RANBP17: variants seen among roughly 807,000 people sequenced by gnomAD.
RANBP17 encodes the protein RAN binding protein 17, also known as ran-binding protein 17.
RANBP17 carries 158 observed loss-of-function variants against 141.2 expected under a neutral mutation model. The observed-to-expected ratio is 1.12, with a 90% CI of 0.98 to 1.28. The LOEUF is 1.28. RANBP17 is among the 50% of genes most tolerant of loss of function. The pLI is 0.00. For missense variants in RANBP17, 1,438 were observed against 1,290.7 expected (o/e 1.11, Z -1.75); for synonymous variants, 430 against 450.0 (o/e 0.96, Z 0.56).
Position 171,062,130 on chromosome 5 carries a change from CT to C in RANBP17, c.1710+93757del, listed in dbSNP as rs1473408956. On this transcript the variant is annotated intron_variant, in intron 14 of 27. Coordinates refer to ENST00000523189, the MANE Select transcript of RANBP17 (RefSeq NM_022897.5). ...CTTTATCCAATTTGCCAGTCTGTGTCTTTTAATTGGAGCATTTAGTCCATTT... is the reference window on the plus strand; with the variant it reads ...CTTTATCCAATTTGCCAGTCTGTGTCTTTAATTGGAGCATTTAGTCCATTT... Among the ~76,000 whole-genome samples, 9 of 151,526 alleles carry C rather than the reference CT, an allele frequency of 5.9e-5. No homozygotes were observed. In the East Asian group the frequency reaches 1.7e-3, roughly 29 times the overall value.
chr5:170,979,524 C>T (rs1777615140), intron 14 of RANBP17, among the ~76,000 whole-genome samples: 1 of 152,074 alleles, frequency 6.6e-6, no homozygotes, highest in African/African-American at 2.4e-5. Context: ...GTGGGAGGGA[C>T]CCAGTGAGAG....
intron 12 of RANBP17, among the ~76,000 whole-genome samples, chr5:170,948,253 G>A (rs950714989): frequency 2.6e-5 from 4 of 152,158 alleles, no homozygotes; most frequent in African/African-American, 9.7e-5. Flanking sequence ...AGGCAGAGAT[G>A]ATAATGATTG....
intron 14 of RANBP17, among the ~76,000 whole-genome samples, chr5:171,148,615 T>TAGAG (rs200432634): frequency 2.2e-4 from 33 of 147,850 alleles, no homozygotes; most frequent in African/African-American, 7.7e-4. Context: ...TATATATATA[T>TAGAG]AGAGAGAGAG....
rs370882495 is a variant in RANBP17, at chr5:171,234,695, G to A, written c.2423-6233G>A. ...ATGTAGTCAAGAGATTTGAGCACAAGCAACTAGAAAGAAGTAGTTGCCATC... is the reference window on the plus strand; with the variant it reads ...ATGTAGTCAAGAGATTTGAGCACAAACAACTAGAAAGAAGTAGTTGCCATC... On this transcript the variant is annotated intron_variant, in intron 22 of 27. Coordinates refer to ENST00000523189, the MANE Select transcript of RANBP17 (RefSeq NM_022897.5). Among the ~76,000 whole-genome samples the A allele has an allele frequency of 1.3e-3, 195 of 152,282 alleles. 9 individuals carry two copies. In the South Asian group the frequency reaches 0.039, roughly 30 times the overall value.
intron 14 of RANBP17, among the ~76,000 whole-genome samples, chr5:171,054,434 TATAGG>T (rs1235068263): frequency 5.3e-5 from 8 of 152,288 alleles, no homozygotes; most frequent in African/African-American, 1.9e-4. Context: ...TTTTAGACCA[TATAGG>T]GTATCTTGCT....
intron 24 of RANBP17, among the ~76,000 whole-genome samples, chr5:171,257,115 A>G (rs575516996): frequency 6.6e-6 from 1 of 152,328 alleles, no homozygotes; most frequent in African/African-American, 2.4e-5. Context: ...ACAAGGACAC[A>G]ACAAAAAAAC....
chr5:171,241,587 G>A (rs146256489), intron 23 of RANBP17, among the ~76,000 whole-genome samples: 1 of 152,210 alleles, frequency 6.6e-6, no homozygotes. Context: ...GGACTTCCTT[G>A]TAGTAGAATG....
chr5:171,298,804 G>A lies in RANBP17; in HGVS notation c.3213G>A (p.Glu1071=). Residue 1071 remains glutamate, a synonymous_variant, in exon 28 of 28, where the codon GAG becomes GAA. Coordinates refer to ENST00000523189, the MANE Select transcript of RANBP17 (RefSeq NM_022897.5). ...NLSVFRRDVA[E]ALRSDGNTEP... is the part of the protein sequence containing the mutation. The stretch of plus-strand genomic sequence containing the variant: ...CTGTATTCAGAAGAGATGTGGCAGA[G>A]GCGTTGCGCAGTGATGGCAACACTG... The A allele has an allele frequency of 1.9e-6, 3 of 1,614,192 alleles. No homozygotes were observed. The highest frequency in any genetic ancestry group is 2.5e-6 in the Non-Finnish European group (3 of 1,180,036).
At chr5:171,023,224 T>C (rs1385472149) in intron 14 of RANBP17, among the ~76,000 whole-genome samples, 2 of 152,246 alleles carry the variant, frequency 1.3e-5, no homozygotes, top group Non-Finnish European at 2.9e-5. Context: ...GTCGGCCATC[T>C]TGGCCCTGCC....
At chr5:170,870,001 C>G (rs1767584877) in intron 1 of RANBP17, among the ~76,000 whole-genome samples, 1 of 152,068 alleles carries the variant, frequency 6.6e-6, no homozygotes. Context: ...ATTACTATTT[C>G]TTGGCCTAAT....
At chr5:170,916,073 T>C (rs1335856085) in intron 8 of RANBP17, among the ~76,000 whole-genome samples, 3 of 151,714 alleles carry the variant, frequency 2.0e-5, no homozygotes, top group African/African-American at 7.3e-5. Context: ...TATTGCATTA[T>C]AATGCATTAT....
intron 14 of RANBP17, among the ~76,000 whole-genome samples, chr5:171,151,689 T>C (rs2127833407): frequency 6.6e-6 from 1 of 152,358 alleles, no homozygotes; most frequent in African/African-American, 2.4e-5. Flanking sequence ...GCCATTGAGC[T>C]GATGGATGGC....
At chr5:170,932,211 C>T (rs1046159627) in intron 12 of RANBP17, among the ~76,000 whole-genome samples, 2 of 151,768 alleles carry the variant, frequency 1.3e-5, no homozygotes, top group African/African-American at 4.9e-5. Context: ...ATCTGTTTGT[C>T]TGTTATTGGT....
chr5:171,148,625 G>A (rs1423944207), intron 14 of RANBP17, among the ~76,000 whole-genome samples: 1 of 151,810 alleles, frequency 6.6e-6, no homozygotes, highest in Non-Finnish European at 1.5e-5. Context: ...TAGAGAGAGA[G>A]AGAGAACATT....
chr5:171,136,947 T>G (rs1176075936), intron 14 of RANBP17, among the ~76,000 whole-genome samples: 2 of 152,138 alleles, frequency 1.3e-5, no homozygotes, highest in Admixed American at 6.5e-5. Flanking sequence ...GATCTTGACC[T>G]TTTTCACTCC....
intron 16 of RANBP17, among the ~76,000 whole-genome samples, chr5:171,177,027 A>G (rs1760529156): frequency 6.6e-6 from 1 of 152,182 alleles, no homozygotes; most frequent in Admixed American, 6.5e-5. Context: ...ATTAAAATGC[A>G]TTGCTTTATT....
intron 12 of RANBP17, among the ~76,000 whole-genome samples, chr5:170,930,603 C>A (rs1481820489): frequency 6.6e-6 from 1 of 151,956 alleles, no homozygotes; most frequent in South Asian, 2.1e-4. Context: ...ATGTTCCCCG[C>A]CCTGTGTCCA....
chr5:171,251,474 ATAC>A (rs985058198), intron 24 of RANBP17, among the ~76,000 whole-genome samples: 3 of 152,072 alleles, frequency 2.0e-5, no homozygotes, highest in Non-Finnish European at 4.4e-5. Context: ...CTTGGAAACT[ATAC>A]AAATAAATGG....
At chr5:171,123,329 G>A (rs1756184209) in intron 14 of RANBP17, among the ~76,000 whole-genome samples, 2 of 152,128 alleles carry the variant, frequency 1.3e-5, no homozygotes, top group South Asian at 4.1e-4. Flanking sequence ...TACCATCCAG[G>A]GATTGGCCTC....
Sources: gnomAD v4.1 joint callset for allele counts (sites outside exome capture counted in the v4.1 genomes callset) on GRCh38, gnomAD v4.1.1 for gene constraint, MANE v1.5 for transcripts, NCBI Gene and HGNC (gene_info 2026-07-23, HGNC 2026-07-21) for gene names.